Variants in FBXO16 observed in about 807,000 individuals in gnomAD.
FBXO16 encodes the protein F-box only protein 16.
Under a neutral mutation model 41.0 loss-of-function variants are expected in FBXO16, and 31 were observed. The observed-to-expected ratio is 0.76, with a 90% CI of 0.57 to 1.02. The LOEUF (loss-of-function observed/expected upper bound fraction) is 1.02, where lower values mean the gene tolerates loss of function less well. Among genes scored for constraint, FBXO16 ranks in the 50% least tolerant of loss-of-function variants. The pLI is 0.00. For synonymous variants in FBXO16, 133 were observed against 117.8 expected (o/e 1.13, Z -0.84); for missense variants, 361 against 346.2 (o/e 1.04, Z -0.34).
intron 2 of FBXO16, among the ~76,000 whole-genome samples, chr8:28,478,966 T>G (rs1349404951): frequency 1.3e-5 from 2 of 152,128 alleles, no homozygotes; most frequent in Non-Finnish European, 2.9e-5. Context: ...TCATGAGATC[T>G]GCTTGTTTAA....
chr8:28,457,711 G>C (rs1803060359), intron 4 of FBXO16, among the ~76,000 whole-genome samples: 1 of 152,174 alleles, frequency 6.6e-6, no homozygotes, highest in South Asian at 2.1e-4. Context: ...TTCAAGAAGA[G>C]ACATAGGTGG....
At chr8:28,456,608 C>G (rs1803041909) in intron 5 of FBXO16, 158 bp downstream of exon 5, 1 of 852,506 alleles carries the variant, frequency 1.2e-6, no homozygotes, top group African/African-American at 1.7e-5. Flanking sequence ...GTCTTGAAAA[C>G]AACTATCAAG....
intron 7 of FBXO16, among the ~76,000 whole-genome samples, chr8:28,439,094 C>CAAAAA: frequency 8.1e-6 from 1 of 123,560 alleles, no homozygotes; most frequent in Non-Finnish European, 1.8e-5. Context: ...GAACCTGTCT[C>CAAAAA]AAAAAAAAAA....
intron 7 of FBXO16, among the ~76,000 whole-genome samples, chr8:28,433,104 T>C (rs1289988913): frequency 7.5e-6 from 1 of 132,802 alleles, no homozygotes; most frequent in African/African-American, 4.1e-5. Context: ...AAACAAAACA[T>C]AACAACAACA....
intron 3 of FBXO16, among the ~76,000 whole-genome samples, chr8:28,470,011 T>C (rs534817925): frequency 1.3e-5 from 2 of 150,744 alleles, no homozygotes; most frequent in East Asian, 3.9e-4. Context: ...GAGACCACAG[T>C]GAAACCCCGT....
chr8:28,483,686 A>C (rs1160173870), intron 1 of FBXO16, among the ~76,000 whole-genome samples: 1 of 146,990 alleles, frequency 6.8e-6, no homozygotes, highest in Non-Finnish European at 1.5e-5. Context: ...AAACAAACAA[A>C]CAAACAAATA....
rs369612096 is a variant in FBXO16 at position 28,430,326 on chromosome 8, GCTTT to G, written c.844-927_844-924del. Among the ~76,000 whole-genome samples, 53 of 152,242 alleles carry G rather than the reference GCTTT, an allele frequency of 3.5e-4. No homozygotes were observed. The East Asian group carries it at 0.01, about 29-fold the overall frequency. On this transcript the variant is annotated intron_variant, in intron 7 of 8. Transcript: ENST00000380254. ...ACTCCCGAGCTCAAGCAATCCTCCC[GCTTT>G]GGCCTTCCAAAGTGCTGGGATTACA...
chr8:28,459,652 A>G (rs1387375520), intron 4 of FBXO16, among the ~76,000 whole-genome samples: 1 of 147,804 alleles, frequency 6.8e-6, no homozygotes, highest in Non-Finnish European at 1.5e-5. Flanking sequence ...AATAATAATA[A>G]TAATAATAAT....
intron 6 of FBXO16, among the ~76,000 whole-genome samples, chr8:28,448,340 CAAA>C (rs56323338): frequency 2.8e-4 from 14 of 49,912 alleles, no homozygotes; most frequent in East Asian, 6.1e-4. Flanking sequence ...GACCCTAAAT[CAAA>C]AAAAAAAAAA....
At chr8:28,481,046 T>C (rs1803502859) in intron 2 of FBXO16, among the ~76,000 whole-genome samples, 1 of 122,230 alleles carries the variant, frequency 8.2e-6, no homozygotes, top group Admixed American at 8.2e-5. Flanking sequence ...GAGAGCAGGG[T>C]TCACTCGGGG....
At chr8:28,430,728 T>C (rs1316665112) in intron 7 of FBXO16, among the ~76,000 whole-genome samples, 1 of 152,100 alleles carries the variant, frequency 6.6e-6, no homozygotes, top group Non-Finnish European at 1.5e-5. Context: ...TCCTAGCACT[T>C]TGGGAGGCCA....
At chr8:28,443,735 T>C (rs993692892) in intron 7 of FBXO16, among the ~76,000 whole-genome samples, 1 of 151,958 alleles carries the variant, frequency 6.6e-6, no homozygotes, top group Non-Finnish European at 1.5e-5. Context: ...ATACAGGTCA[T>C]AAAGACCTTA....
intron 2 of FBXO16, among the ~76,000 whole-genome samples, chr8:28,480,139 G>A (rs369910636): frequency 6.6e-5 from 10 of 151,984 alleles, no homozygotes; most frequent in South Asian, 4.2e-4. Flanking sequence ...CTCCTGGTCC[G>A]TCTATTTTTT....
rs1474346334 is a variant in FBXO16, at chr8:28,470,967, C to T, written c.135+2805G>A. On this transcript the variant is annotated intron_variant, in intron 3 of 8. Coordinates refer to ENST00000380254, the MANE Select transcript of FBXO16 (RefSeq NM_172366.4). The stretch of plus-strand genomic sequence containing the variant: ...TTTATTAAAATGGGTTATTATGTTA[C>T]TATTATTTATATTAGCAACAGAGCA... Among the ~76,000 whole-genome samples the T allele has an allele frequency of 2.5e-4, 38 of 152,114 alleles. 1 individual carries two copies. Among genetic ancestry groups the T allele is most frequent in the Admixed American group, 2.5e-3 (38 of 15,278 alleles).
rs1347219067 is a variant in FBXO16, at chr8:28,447,119, T to C, written c.843+52A>G. On this transcript the variant is annotated intron_variant, in intron 7 of 8. Transcript: ENST00000380254. ...AATTTTGCAAATAGGATTAGAGATC[T>C]GGAGATTTTCATTAATGTTATGGTG... 7 of 1,490,866 alleles carry C rather than the reference T, an allele frequency of 4.7e-6. No individual in the cohort carries two copies. The East Asian group carries it at 6.8e-5, about 15-fold the overall frequency. The allele number at this position is 1,490,866 out of a possible 1,614,324, so 92.4% of individuals were successfully genotyped here.
chr8:28,441,583 A>G (rs945553426), intron 7 of FBXO16, among the ~76,000 whole-genome samples: 4 of 151,934 alleles, frequency 2.6e-5, no homozygotes, highest in African/African-American at 9.7e-5. Flanking sequence ...TAAAAATACA[A>G]AAATTAGCCA....
chr8:28,488,246 C>T (rs1454193145), intron 1 of FBXO16, among the ~76,000 whole-genome samples: 2 of 150,636 alleles, frequency 1.3e-5, no homozygotes, highest in Non-Finnish European at 2.9e-5. Context: ...TTTTCAATAG[C>T]AAGGATGGGT....
intron 4 of FBXO16, 70 bp from the exon 5 acceptor site, chr8:28,457,000 T>G: frequency 3.9e-6 from 6 of 1,521,184 alleles, no homozygotes; most frequent in Non-Finnish European, 5.3e-6. Flanking sequence ...CCACTTTCTC[T>G]AGGTTTTGAG....
rs1001845925 is a variant in FBXO16, at chr8:28,452,307, G to A, written c.677C>T (p.Pro226Leu). The A allele has an allele frequency of 3.7e-6, 6 of 1,614,152 alleles. No homozygotes were observed. Among genetic ancestry groups the A allele is most frequent in the Admixed American group, 1.7e-5 (1 of 60,010 alleles). ...LPPWRSSDKHPTDIIRFNYLD... is the reference protein window; with the variant it reads ...LPPWRSSDKHLTDIIRFNYLD... The stretch of plus-strand genomic sequence containing the variant: ...GTAATTAAAACGAATGATATCTGTT[G>A]GGTGCTTATCAGAAGATCGCCAGGG... Residue 226 changes from proline to leucine, a missense_variant, in exon 6 of 9, where the codon CCA (proline) becomes CTA (leucine). Coordinates refer to ENST00000380254, the MANE Select transcript of FBXO16 (RefSeq NM_172366.4).
Sources: gnomAD v4.1 joint callset for allele counts (sites outside exome capture counted in the v4.1 genomes callset) on GRCh38, gnomAD v4.1.1 for gene constraint, MANE v1.5 for transcripts, NCBI Gene and HGNC (gene_info 2026-07-23, HGNC 2026-07-21) for gene names.